Variants in VPS41 observed in about 807,000 individuals in gnomAD.
VPS41 encodes the protein VPS41 subunit of HOPS complex.
In VPS41, 85 loss-of-function variants were observed where a neutral mutation model predicts 130.9. The observed-to-expected ratio is 0.65, with a 90% CI of 0.55 to 0.78. The LOEUF (loss-of-function observed/expected upper bound fraction) is 0.78, where lower values mean the gene tolerates loss of function less well. VPS41 is among the 30% of genes least tolerant of loss of function. The pLI is 0.00. For synonymous variants in VPS41, 335 were observed against 332.9 expected (o/e 1.01, Z -0.07); for missense variants, 874 against 1,018.7 (o/e 0.86, Z 1.93).
intron 1 of VPS41, among the ~76,000 whole-genome samples, chr7:38,908,624 A>G (rs1240873808): frequency 1.3e-5 from 2 of 152,330 alleles, no homozygotes; most frequent in East Asian, 3.9e-4. Flanking sequence ...CACATTGGGT[A>G]AGAAAAGGAA....
rs755139889 is a variant in VPS41, at chr7:38,869,241, C to T, written c.73G>A (p.Glu25Lys). The part of the protein sequence containing the change: ...STDESEEEES[E>K]EEPKLKYERL... The stretch of plus-strand genomic sequence containing the variant: ...TCATACTTCAGCTTGGGTTCCTCTT[C>T]GCTCTCTTCTTCCTGCACAAACGGC... Residue 25 changes from glutamate (E) to lysine (K), a missense_variant, in exon 3 of 29, where the codon GAA (glutamate) becomes AAA (lysine). By Grantham distance (56) the Glu-to-Lys change is moderately conservative. Coordinates refer to ENST00000310301, the MANE Select transcript of VPS41 (RefSeq NM_014396.4). 8.7e-6 allele frequency: 14 copies of T among 1,610,692 alleles called. No homozygotes were observed. The highest frequency in any genetic ancestry group is 3.3e-5 in the South Asian group (3 of 90,620).
At chr7:38,814,389 C>G (rs6462869) in intron 7 of VPS41, among the ~76,000 whole-genome samples, 2 of 151,988 alleles carry the variant, frequency 1.3e-5, no homozygotes, top group Non-Finnish European at 2.9e-5. Context: ...TGGTGGCTCA[C>G]GCCTGTAAGC....
intron 2 of VPS41, among the ~76,000 whole-genome samples, chr7:38,895,800 A>C (rs1264468906): frequency 6.6e-6 from 1 of 152,104 alleles, no homozygotes; most frequent in Non-Finnish European, 1.5e-5. Context: ...AGCCCTATAC[A>C]CTTTCAAGCT....
At chr7:38,810,312 A>T (rs545447369) in intron 7 of VPS41, among the ~76,000 whole-genome samples, 1 of 152,308 alleles carries the variant, frequency 6.6e-6, no homozygotes, top group South Asian at 2.1e-4. Flanking sequence ...ACACCTAAGA[A>T]GCCAGAACTT....
At chr7:38,817,300 A>C (rs1785072904) in intron 7 of VPS41, among the ~76,000 whole-genome samples, 2 of 152,152 alleles carry the variant, frequency 1.3e-5, no homozygotes, top group Admixed American at 6.5e-5. Context: ...TCCTATATCT[A>C]CTTCAAAGAA....
chr7:38,863,522 A>G (rs1786165186), intron 3 of VPS41, among the ~76,000 whole-genome samples: 1 of 152,210 alleles, frequency 6.6e-6, no homozygotes, highest in Non-Finnish European at 1.5e-5. Flanking sequence ...TCAAGATTTA[A>G]AAGGATTTAT....
rs1235031622 is a variant in VPS41, at chr7:38,801,485, GTAAA to G, written c.451-4625_451-4622del. The stretch of plus-strand genomic sequence containing the variant: ...GTGGATGAAAAATAAGAAAATATCT[GTAAA>G]TAAAGTAGGTCATCATAAACATACT... On this transcript the variant is annotated intron_variant, in intron 7 of 28. Transcript: ENST00000310301. Among the ~76,000 whole-genome samples, 7 of 152,230 alleles carry G rather than the reference GTAAA, an allele frequency of 4.6e-5. No homozygotes were observed. In the East Asian group the frequency reaches 1.3e-3, roughly 29 times the overall value.
rs1438331625 is a variant in VPS41, at chr7:38,755,053, A to AAGG, written c.1696-120_1696-118dup. 5.8e-6 allele frequency: 5 copies of AAGG among 866,966 alleles called. No individual in the cohort carries two copies. In the East Asian group the frequency reaches 1.3e-4, roughly 22 times the overall value. 53.7% of individuals were successfully genotyped at this position (866,966 alleles called of 1,614,324 possible). A position where few individuals can be genotyped will look rare whatever the true frequency, so the allele number is the denominator to read the frequency against. ...GGTGGAAGGCTTATTTTGTATACTT[A>AAGG]AGGAGGCCCTTGGCTTTACAATGGC... On this transcript the variant is annotated intron_variant, in intron 19 of 28. Transcript: ENST00000310301.
At chr7:38,750,354 A>G (rs1783645876) in intron 22 of VPS41, among the ~76,000 whole-genome samples, 1 of 152,240 alleles carries the variant, frequency 6.6e-6, no homozygotes, top group African/African-American at 2.4e-5. Flanking sequence ...AACCTGAAAC[A>G]TGAAAACCCA....
intron 4 of VPS41, among the ~76,000 whole-genome samples, chr7:38,832,319 C>CTTTTTTTTT (rs543207806): frequency 2.7e-4 from 31 of 114,714 alleles, no homozygotes; most frequent in African/African-American, 4.2e-4. Context: ...TTCTTTCTTT[C>CTTTTTTTTT]TTTTTTTTTT....
intron 17 of VPS41, among the ~76,000 whole-genome samples, chr7:38,758,726 T>C (rs373045519): frequency 7.9e-5 from 12 of 152,322 alleles, no homozygotes; most frequent in East Asian, 3.9e-4. Flanking sequence ...GTTGGAACTT[T>C]TCAGCCCTAC....
chr7:38,874,058 T>C (rs1786432852), intron 2 of VPS41, among the ~76,000 whole-genome samples: 1 of 152,202 alleles, frequency 6.6e-6, no homozygotes. Context: ...AAAATTTGTA[T>C]ACAAGAAATT....
intron 22 of VPS41, among the ~76,000 whole-genome samples, chr7:38,748,077 T>TC (rs1796021362): frequency 6.6e-6 from 1 of 152,228 alleles, no homozygotes; most frequent in Non-Finnish European, 1.5e-5. Context: ...AAAATGGACT[T>TC]TAGAAATCTC....
At position 38,830,374 on chromosome 7, in the gene VPS41, T is replaced by C. The variant is rs757672694; in HGVS notation, c.247-46A>G. ...AGATGTGTAAAACTTCAGGAAAATA[T>C]ATATCAACAATCAATGTCTTTGCTC... On this transcript the variant is annotated intron_variant, in intron 4 of 28. Transcript: ENST00000310301. The C allele has an allele frequency of 9.1e-6, 10 of 1,102,314 alleles. No homozygotes were observed. In the East Asian group the frequency reaches 1.4e-4, roughly 16 times the overall value. The allele number at this position is 1,102,314 out of a possible 1,614,324, so 68.3% of individuals were successfully genotyped here. A position where few individuals can be genotyped will look rare whatever the true frequency, so the allele number is the denominator to read the frequency against.
intron 8 of VPS41, 132 bp from the exon 9 acceptor site, chr7:38,795,743 G>A: frequency 1.3e-6 from 1 of 755,596 alleles, no homozygotes; most frequent in Non-Finnish European, 2.0e-6. Flanking sequence ...AGCATGCAAG[G>A]AAAATGCTCC....
rs13235997 is a variant in VPS41, at chr7:38,726,185, T to C, written c.*61A>G. 0.08 allele frequency: 94,183 copies of C among 1,172,904 alleles called. 4,237 individuals are homozygous for C. The highest frequency in any genetic ancestry group is 0.13 in the South Asian group (10,770 of 80,760). 72.7% of individuals were successfully genotyped at this position (1,172,904 alleles called of 1,614,324 possible). A position where few individuals can be genotyped will look rare whatever the true frequency, so the allele number is the denominator to read the frequency against. ...CAGCACGAGTGTCAACAAATGCTTT[T>C]GTTGTTGCAAAAACAGTCTCAAAAA... On this transcript the variant is annotated 3_prime_UTR_variant, in exon 29 of 29. Transcript: ENST00000310301.
chr7:38,846,515 T>C (rs1785728031), intron 4 of VPS41, among the ~76,000 whole-genome samples: 1 of 152,030 alleles, frequency 6.6e-6, no homozygotes, highest in Non-Finnish European at 1.5e-5. Context: ...GTAGGCGCAA[T>C]GCAGGGGACC....
chr7:38,784,996 G>A (rs2115917459), intron 10 of VPS41, among the ~76,000 whole-genome samples: 1 of 152,258 alleles, frequency 6.6e-6, no homozygotes, highest in Non-Finnish European at 1.5e-5. Flanking sequence ...AAACAAAAAT[G>A]TGTGTCAAGC....
At chr7:38,879,897 A>AG (rs1425497822) in intron 2 of VPS41, among the ~76,000 whole-genome samples, 3 of 151,852 alleles carry the variant, frequency 2.0e-5, no homozygotes, top group African/African-American at 7.3e-5. Flanking sequence ...TCTTTAAAAA[A>AG]AAAAAAAAGA....
Sources: allele counts gnomAD v4.1 joint callset (sites outside exome capture counted in the v4.1 genomes callset), GRCh38; gene constraint gnomAD v4.1.1; transcripts MANE v1.5; gene names NCBI Gene and HGNC (gene_info 2026-07-23, HGNC 2026-07-21).